Variants in SH3GL2 observed in about 807,000 individuals in gnomAD.
SH3GL2 encodes the protein endophilin-A1.
A neutral mutation model predicts 46.0 loss-of-function variants in SH3GL2; 24 were observed. The ratio of observed to expected loss-of-function variants is 0.52; its 90% CI spans 0.38 to 0.73. SH3GL2 has a LOEUF of 0.73. SH3GL2 is among the 30% of genes least tolerant of loss of function. SH3GL2 has a pLI of 0.00. For synonymous variants in SH3GL2, 196 were observed against 147.1 expected, an observed-to-expected ratio of 1.33 and a Z score of -2.40; for missense variants, 413 against 424.2, an observed-to-expected ratio of 0.97 and a Z score of 0.23.
chr9:17,653,176 T>G (rs1487397803), intron 1 of SH3GL2, among the ~76,000 whole-genome samples: 1 of 152,188 alleles, frequency 6.6e-6, no homozygotes, highest in Non-Finnish European at 1.5e-5. Context: ...TCAGGCTTAT[T>G]TTCACTGTCT....
At chr9:17,745,510 G>T (rs536127256) in intron 1 of SH3GL2, among the ~76,000 whole-genome samples, 2 of 152,030 alleles carry the variant, frequency 1.3e-5, no homozygotes, top group African/African-American at 4.8e-5. Flanking sequence ...CTTCCACTGC[G>T]CCATATTTCT....
intron 1 of SH3GL2, among the ~76,000 whole-genome samples, chr9:17,730,471 C>T (rs1320058112): frequency 6.6e-6 from 1 of 152,168 alleles, no homozygotes; most frequent in East Asian, 1.9e-4. Flanking sequence ...GCCTGATTGT[C>T]TTGGCCAGCA....
chr9:17,795,092 G>A (rs117133675), intron 8 of SH3GL2, among the ~76,000 whole-genome samples: 2 of 152,258 alleles, frequency 1.3e-5, no homozygotes, highest in Non-Finnish European at 2.9e-5. Context: ...CATTCTCCAT[G>A]TAATTCACCA....
At chr9:17,740,107 C>T (rs1822481332) in intron 1 of SH3GL2, among the ~76,000 whole-genome samples, 1 of 151,944 alleles carries the variant, frequency 6.6e-6, no homozygotes, top group Non-Finnish European at 1.5e-5. Context: ...AGGAAACTTT[C>T]CAATTTTCTT....
chr9:17,642,410 T>G (rs1373947757), intron 1 of SH3GL2, among the ~76,000 whole-genome samples: 2 of 152,224 alleles, frequency 1.3e-5, no homozygotes, highest in Non-Finnish European at 2.9e-5. Context: ...TTTGGTGTTT[T>G]AGTCATGAAG....
At chr9:17,741,763 A>G (rs1218692394) in intron 1 of SH3GL2, among the ~76,000 whole-genome samples, 2 of 152,202 alleles carry the variant, frequency 1.3e-5, no homozygotes, top group Non-Finnish European at 2.9e-5. Flanking sequence ...TCTTCCATTA[A>G]CAGCTTACAA....
intron 1 of SH3GL2, among the ~76,000 whole-genome samples, chr9:17,614,409 C>T (rs988126831): frequency 8.6e-5 from 13 of 150,984 alleles, no homozygotes; most frequent in Admixed American, 7.3e-4. Context: ...TTGGATTGAG[C>T]CCTTGTGTCA....
intron 1 of SH3GL2, among the ~76,000 whole-genome samples, chr9:17,741,513 T>G (rs1426704372): frequency 6.6e-6 from 1 of 152,162 alleles, no homozygotes; most frequent in Non-Finnish European, 1.5e-5. Context: ...GTTTGTTGAA[T>G]TTTCTTACTC....
chr9:17,724,527 T>TC (rs1821975524), intron 1 of SH3GL2, among the ~76,000 whole-genome samples: 1 of 151,932 alleles, frequency 6.6e-6, no homozygotes, highest in South Asian at 2.1e-4. Context: ...ACATCCCCCC[T>TC]CCCCCCGTGT....
chr9:17,653,604 C>CT lies in SH3GL2; in HGVS notation c.45+74319dup, dbSNP rs1820004005. 2.6e-5 allele frequency among the ~76,000 whole-genome samples: 4 copies of CT among 152,272 alleles called. No homozygotes were observed. In the South Asian group the frequency reaches 8.3e-4, roughly 32 times the overall value. ...CTGCTTCTGTGGTTGGAATGTGTCC[C>CT]TTCCCAAGTCCAAGTGCTGCCAATG... On this transcript the variant is annotated intron_variant, in intron 1 of 8. Transcript: ENST00000380607.
Position 17,647,723 on chromosome 9 carries a change from A to G in SH3GL2, c.45+68436A>G, listed in dbSNP as rs984859626. Among the ~76,000 whole-genome samples the G allele has an allele frequency of 2.6e-5, 4 of 152,208 alleles. No individual in the cohort carries two copies. The South Asian group carries it at 6.2e-4, about 24-fold the overall frequency. ...ATAAAGATTAAAATAAATGATACACATAAAGGATTTAGCATGGAGCATGGC... is the reference window on the plus strand; with the variant it reads ...ATAAAGATTAAAATAAATGATACACGTAAAGGATTTAGCATGGAGCATGGC... On this transcript the variant is annotated intron_variant, in intron 1 of 8. Transcript: ENST00000380607.
At chr9:17,743,288 G>C (rs1439591308) in intron 1 of SH3GL2, among the ~76,000 whole-genome samples, 1 of 152,130 alleles carries the variant, frequency 6.6e-6, no homozygotes, top group Non-Finnish European at 1.5e-5. Context: ...TGGAAAAATA[G>C]CCCAGAGAAC....
At chr9:17,712,412 T>C (rs1275188966) in intron 1 of SH3GL2, among the ~76,000 whole-genome samples, 1 of 151,866 alleles carries the variant, frequency 6.6e-6, no homozygotes, top group Non-Finnish European at 1.5e-5. Flanking sequence ...GATTTTTTCC[T>C]ATCTTTTCTT....
intron 1 of SH3GL2, among the ~76,000 whole-genome samples, chr9:17,626,152 C>T (rs1819275751): frequency 6.6e-6 from 1 of 152,174 alleles, no homozygotes; most frequent in South Asian, 2.1e-4. Flanking sequence ...CCTGTGGGAG[C>T]CCATGTTTGT....
chr9:17,648,635 A>T (rs1194534004), intron 1 of SH3GL2, among the ~76,000 whole-genome samples: 1 of 152,170 alleles, frequency 6.6e-6, no homozygotes, highest in Non-Finnish European at 1.5e-5. Context: ...AAATGTACTG[A>T]GGTAGTGACT....
chr9:17,706,756 C>T (rs1821482257), intron 1 of SH3GL2, among the ~76,000 whole-genome samples: 1 of 151,956 alleles, frequency 6.6e-6, no homozygotes, highest in South Asian at 2.1e-4. Context: ...ATCTTCCTTG[C>T]AGGTCCCTCT....
In SH3GL2 at chr9:17,761,470, A is replaced by T. The variant is rs765533067; in HGVS notation, c.148A>T (p.Ile50Leu). 1.2e-6 allele frequency: 2 copies of T among 1,609,022 alleles called. No homozygotes were observed. The highest frequency in any genetic ancestry group is 1.7e-6 in the Non-Finnish European group (2 of 1,175,266). Residue 50 changes from isoleucine (I) to leucine (L), a missense_variant, in exon 3 of 9, where the codon ATA (isoleucine) becomes TTA (leucine). This residue lies in a region of SH3GL2 where 160 missense variants were observed against 192.3 expected (regional missense o/e 0.83). Coordinates refer to ENST00000380607, the MANE Select transcript of SH3GL2 (RefSeq NM_003026.5). Reference protein sequence around the residue: ...VDVTSRAVMEIMTKTIEYLQP... With the variant: ...VDVTSRAVMELMTKTIEYLQP... ...TGTCACCAGCAGGGCTGTGATGGAA[A>T]TAATGACTAAAACAATTGAATACCT...
intron 1 of SH3GL2, among the ~76,000 whole-genome samples, chr9:17,625,903 C>T (rs1563787807): frequency 6.6e-6 from 1 of 152,216 alleles, no homozygotes; most frequent in South Asian, 2.1e-4. Flanking sequence ...TCTTAAACCC[C>T]ATGCTTACCT....
chr9:17,699,983 C>T (rs717372), intron 1 of SH3GL2, among the ~76,000 whole-genome samples: 30,084 of 152,070 alleles, frequency 0.2, 3,699 homozygotes, highest in East Asian at 0.37. Flanking sequence ...GGAATAGATG[C>T]ACCAGTTTAC....
Sources: gnomAD v4.1 joint callset for allele counts (sites outside exome capture counted in the v4.1 genomes callset) on GRCh38, gnomAD v4.1.1 for gene constraint, gnomAD v4.1.1 regional missense constraint, MANE v1.5 for transcripts, NCBI Gene and HGNC (gene_info 2026-07-23, HGNC 2026-07-21) for gene names.